The following GPR137B variants were observed in gnomAD, a reference collection of about 807,000 sequenced individuals.
GPR137B encodes the protein integral membrane protein GPR137B.
GPR137B carries 42 observed loss-of-function variants against 42.5 expected under a neutral mutation model. The ratio of observed to expected loss-of-function variants is 0.99; its 90% CI spans 0.77 to 1.28. GPR137B has a LOEUF of 1.28. GPR137B is among the 50% of genes most tolerant of loss of function. GPR137B has a pLI of 0.00. For synonymous variants in GPR137B, 218 were observed against 209.7 expected, an observed-to-expected ratio of 1.04 and a Z score of -0.34; for missense variants, 487 against 493.9, an observed-to-expected ratio of 0.99 and a Z score of 0.13.
chr1:236,144,628 G>C (rs1661632326), intron 1 of GPR137B, among the ~76,000 whole-genome samples: 1 of 152,244 alleles, frequency 6.6e-6, no homozygotes. Flanking sequence ...AGAGTAATGC[G>C]TATTGCCTGT....
At chr1:236,199,875 A>G (rs1663443967) in intron 5 of GPR137B, among the ~76,000 whole-genome samples, 1 of 151,180 alleles carries the variant, frequency 6.6e-6, no homozygotes, top group Admixed American at 6.6e-5. Context: ...GATCTTTGTT[A>G]TTTCTTTTCT....
intron 1 of GPR137B, 79 bp from the exon 2 acceptor site, chr1:236,168,627 A>T: frequency 9.5e-7 from 1 of 1,057,790 alleles, no homozygotes. Flanking sequence ...GAAGGGGCAG[A>T]GGAATTCCCA....
chr1:236,168,650 G>C, intron 1 of GPR137B, 56 bp from the exon 2 acceptor site: 1 of 1,324,694 alleles, frequency 7.5e-7, no homozygotes, highest in Admixed American at 1.7e-5. Context: ...GATGGTATCA[G>C]TCTGGTTCTG....
chr1:236,161,301 C>T (rs1352310245), intron 1 of GPR137B, among the ~76,000 whole-genome samples: 1 of 152,138 alleles, frequency 6.6e-6, no homozygotes, highest in Non-Finnish European at 1.5e-5. Flanking sequence ...CTGGCTGGTC[C>T]ACACCCCAGC....
chr1:236,207,384 T>C, intron 6 of GPR137B: 2 of 527,998 alleles, frequency 3.8e-6, no homozygotes, highest in Non-Finnish European at 4.9e-6. Context: ...AAAACTGTTC[T>C]TTTCCAGTTA....
Position 236,150,529 on chromosome 1 carries a change from G to A in GPR137B, c.414+7493G>A, listed in dbSNP as rs1268716583. ...CTCGGTGATGCCCTGCCAACCGAGG[G>A]GGAACTAAATCCTGTTAATGCCCTC... On this transcript the variant is annotated intron_variant, in intron 1 of 6. Transcript: ENST00000366592. The surrounding 1 kb of genome is among the most constrained non-coding windows in gnomAD (Gnocchi z 6.2). Among the ~76,000 whole-genome samples the A allele has an allele frequency of 2.0e-5, 3 of 152,246 alleles. No homozygotes were observed. The highest frequency in any genetic ancestry group is 4.4e-5 in the Non-Finnish European group (3 of 68,018).
rs755576048 is a variant in GPR137B at position 236,183,906 on chromosome 1, T to G, written c.966T>G (p.Leu322=). 9.3e-6 allele frequency: 15 copies of G among 1,605,300 alleles called. No individual in the cohort carries two copies. In the East Asian group the frequency reaches 1.6e-4, roughly 17 times the overall value. ...FFRVRNPTKD[L]TNPGMVPSHG... ...GAGTTAGAAATCCTACAAAGGACCT[T>G]GTAAGTAAACCATTTTACATTTGTA... The change falls in exon 5 of 7, where the codon CTT becomes CTG. Residue 322 remains leucine (L), a splice_region_variant and synonymous_variant. Coordinates refer to ENST00000366592, the MANE Select transcript of GPR137B (RefSeq NM_003272.4).
chr1:236,162,897 G>A (rs1200969823), intron 1 of GPR137B, among the ~76,000 whole-genome samples: 1 of 152,242 alleles, frequency 6.6e-6, no homozygotes, highest in Admixed American at 6.5e-5. Context: ...CCCACACAGA[G>A]TCCCTACTGG....
At position 236,179,859 on chromosome 1, in the gene GPR137B, T is replaced by C; in HGVS notation, c.688-20T>C. ...TCTTGGACCTGGAGTGTCCCATACC[T>C]TCTGCTCCCTCTTTTCCAGGGCTCC... On this transcript the variant is annotated intron_variant, in intron 3 of 6. Coordinates refer to ENST00000366592, the MANE Select transcript of GPR137B (RefSeq NM_003272.4). The C allele has an allele frequency of 7.7e-6, 12 of 1,558,178 alleles. No homozygotes were observed. Among genetic ancestry groups the C allele is most frequent in the Non-Finnish European group, 7.8e-6 (9 of 1,152,764 alleles).
chr1:236,144,275 T>C (rs1481936690), intron 1 of GPR137B, among the ~76,000 whole-genome samples: 1 of 151,596 alleles, frequency 6.6e-6, no homozygotes, highest in African/African-American at 2.4e-5. Flanking sequence ...ATTAGCTGGG[T>C]GTGGTAGTGC....
intron 5 of GPR137B, among the ~76,000 whole-genome samples, chr1:236,185,553 G>T (rs1190344202): frequency 6.6e-6 from 1 of 152,120 alleles, no homozygotes; most frequent in Non-Finnish European, 1.5e-5. Context: ...GAGAATCTCT[G>T]TCCTTATCCT....
At chr1:236,168,440 A>T (rs1278679865) in intron 1 of GPR137B, among the ~76,000 whole-genome samples, 2 of 152,048 alleles carry the variant, frequency 1.3e-5, no homozygotes, top group African/African-American at 4.8e-5. Flanking sequence ...AAAAAAAAAA[A>T]AGAATCTGAA....
At chr1:236,190,867 C>T (rs187628774) in intron 5 of GPR137B, among the ~76,000 whole-genome samples, 2 of 152,254 alleles carry the variant, frequency 1.3e-5, no homozygotes, top group Admixed American at 1.3e-4. Context: ...CTCTGTATTT[C>T]CTGAATTTGA....
At chr1:236,192,351 G>A (rs1056313708) in intron 5 of GPR137B, among the ~76,000 whole-genome samples, 6 of 151,474 alleles carry the variant, frequency 4.0e-5, no homozygotes, top group South Asian at 2.1e-4. Context: ...TCTCACTGGC[G>A]TTCCAGATGC....
intron 2 of GPR137B, 138 bp downstream of exon 2, chr1:236,168,893 A>C (rs1447523078): frequency 5.7e-6 from 4 of 699,660 alleles, no homozygotes; most frequent in Admixed American, 2.0e-5. Context: ...CTGGCTGCCC[A>C]CATTGTGCAC....
chr1:236,161,658 T>C (rs866710626), intron 1 of GPR137B, among the ~76,000 whole-genome samples: 2 of 152,288 alleles, frequency 1.3e-5, no homozygotes, highest in Middle Eastern at 6.8e-3. Flanking sequence ...AATTGAATCA[T>C]GGGGGCTGGT....
intron 1 of GPR137B, among the ~76,000 whole-genome samples, chr1:236,143,559 C>T (rs1661597440): frequency 6.6e-6 from 1 of 152,218 alleles, no homozygotes; most frequent in Non-Finnish European, 1.5e-5. Flanking sequence ...GAACCTCCGG[C>T]TTAGGAGCTC....
chr1:236,162,606 G>A (rs7552340), intron 1 of GPR137B, among the ~76,000 whole-genome samples: 28,391 of 152,116 alleles, frequency 0.19, 2,881 homozygotes, highest in East Asian at 0.35. Context: ...TAGGGACTTC[G>A]TGCCCTGTGT....
chr1:236,175,997 C>A (rs571979992), intron 2 of GPR137B, among the ~76,000 whole-genome samples: 3 of 152,088 alleles, frequency 2.0e-5, no homozygotes, highest in African/African-American at 7.2e-5. Flanking sequence ...ACCGTGGAAA[C>A]ATGAAAACAT....
Sources: gnomAD v4.1 joint callset for allele counts (sites outside exome capture counted in the v4.1 genomes callset) on GRCh38, gnomAD v4.1.1 for gene constraint, Gnocchi (gnomAD v3.1) non-coding constraint, MANE v1.5 for transcripts, NCBI Gene and HGNC (gene_info 2026-07-23, HGNC 2026-07-21) for gene names.